TRPC5: variants seen among roughly 807,000 people sequenced by gnomAD.
The protein encoded by TRPC5 is short transient receptor potential channel 5.
TRPC5 carries 9 observed loss-of-function variants against 56.5 expected under a neutral mutation model. The observed-to-expected ratio is 0.16, with a 90% CI of 0.10 to 0.28. TRPC5 has a LOEUF of 0.28. TRPC5 is among the 10% of genes least tolerant of loss of function. The pLI is 1.00. For missense variants in TRPC5, 469 were observed against 748.9 expected (o/e 0.63, Z 4.36); for synonymous variants, 282 against 278.5 (o/e 1.01, Z -0.13).
chrX:111,967,224 T>A (rs1230428005), intron 1 of TRPC5, among the ~76,000 whole-genome samples: 2 of 111,630 alleles, frequency 1.8e-5, no homozygotes, highest in African/African-American at 3.3e-5. Context: ...GAACTCCCAT[T>A]CACAATTGCT....
intron 1 of TRPC5, among the ~76,000 whole-genome samples, chrX:111,979,553 A>T (rs781217936): frequency 2.3e-4 from 26 of 111,594 alleles, no homozygotes; most frequent in Non-Finnish European, 4.3e-4. Context: ...CAGACTGGGA[A>T]AATATATGCA....
intron 1 of TRPC5, among the ~76,000 whole-genome samples, chrX:112,072,670 G>GA (rs762183819): frequency 2.2e-4 from 25 of 112,028 alleles, no homozygotes; most frequent in Admixed American, 2.2e-3. Flanking sequence ...TTTTATGTCA[G>GA]AAAAAAATGA....
chrX:112,025,920 T>A (rs1929401129), intron 1 of TRPC5, among the ~76,000 whole-genome samples: 1 of 111,855 alleles, frequency 8.9e-6, no homozygotes, highest in African/African-American at 3.3e-5. Flanking sequence ...AACCTGTGAG[T>A]AATAAACTTC....
At position 111,776,415 on chromosome X, in the gene TRPC5, TA is replaced by T. The variant is rs769602317; in HGVS notation, c.2819del (p.Leu940Ter). On this transcript the variant is annotated frameshift_variant, in exon 11 of 11. Transcript: ENST00000262839. LOFTEE classifies it high-confidence loss of function. ...SSICSSNSKL[L>X]DSSEDVFETW... ...TTTCAAATACATCCTCTGAGGAGTCTAAAAGTTTAGAATTTGAGGAGCAGAT... is the reference window on the plus strand; with the variant it reads ...TTTCAAATACATCCTCTGAGGAGTCTAAAGTTTAGAATTTGAGGAGCAGAT... 1 of 1,211,363 alleles carries T rather than the reference TA, an allele frequency of 8.3e-7. No individual in the cohort carries two copies. The highest frequency in any genetic ancestry group is 1.7e-5 in the African/African-American group (1 of 57,799).
chrX:111,790,758 T>A (rs1946013255), intron 7 of TRPC5, among the ~76,000 whole-genome samples: 1 of 110,453 alleles, frequency 9.1e-6, no homozygotes, highest in South Asian at 3.9e-4. Context: ...TGGTGGCTCA[T>A]GCCTGGAATC....
At chrX:111,976,659 T>C (rs932456870) in intron 1 of TRPC5, among the ~76,000 whole-genome samples, 9 of 110,348 alleles carry the variant, frequency 8.2e-5, no homozygotes, top group Non-Finnish European at 1.3e-4. Context: ...GAAAAAGAAA[T>C]AAAAGGCATG....
At position 112,020,495 on chromosome X, in the gene TRPC5, T is replaced by A. The variant is rs746381299; in HGVS notation, c.-22+61384A>T. 6.3e-5 allele frequency among the ~76,000 whole-genome samples: 7 copies of A among 111,906 alleles called. No homozygotes were observed. The Admixed American group carries it at 6.7e-4, about 11-fold the overall frequency. On this transcript the variant is annotated intron_variant, in intron 1 of 10. Coordinates refer to ENST00000262839, the MANE Select transcript of TRPC5 (RefSeq NM_012471.3). The stretch of plus-strand genomic sequence containing the variant: ...GAGGAACACAGAAGGAAATGTAATA[T>A]CCTAGGGTCTTGAAGGAACCTTACC...
chrX:111,967,543 C>G (rs1927632483), intron 1 of TRPC5, among the ~76,000 whole-genome samples: 1 of 110,010 alleles, frequency 9.1e-6, no homozygotes, highest in Non-Finnish European at 1.9e-5. Flanking sequence ...GCCAAAAGAA[C>G]AAAGCATCAC....
At chrX:111,988,415 T>C (rs1928268298) in intron 1 of TRPC5, among the ~76,000 whole-genome samples, 1 of 110,973 alleles carries the variant, frequency 9.0e-6, no homozygotes, top group South Asian at 3.9e-4. Context: ...TGGTAGCTGA[T>C]ATTTAGTCAT....
At position 111,771,107 on chromosome X, in the gene TRPC5, C is replaced by A. The variant is rs3027759; in HGVS notation, c.*5206G>T. ...AGTCACTGGAGTTATAAAGAAAGTT[C>A]TTTGAGGGGGAGGAGGGTAGGACAG... On this transcript the variant is annotated 3_prime_UTR_variant, in exon 11 of 11. Coordinates refer to ENST00000262839, the MANE Select transcript of TRPC5 (RefSeq NM_012471.3). 0.012 allele frequency among the ~76,000 whole-genome samples: 1,355 copies of A among 111,297 alleles called. 11 individuals carry two copies. Among genetic ancestry groups the A allele is most frequent in the African/African-American group, 0.033 (1,022 of 30,653 alleles).
At chrX:112,028,401 T>A (rs1418900790) in intron 1 of TRPC5, among the ~76,000 whole-genome samples, 1 of 111,568 alleles carries the variant, frequency 9.0e-6, no homozygotes, top group Non-Finnish European at 1.9e-5. Flanking sequence ...CATTAGGTAT[T>A]TCTCCTAATG....
At chrX:111,991,175 T>C (rs1021137399) in intron 1 of TRPC5, among the ~76,000 whole-genome samples, 2 of 111,616 alleles carry the variant, frequency 1.8e-5, no homozygotes, top group African/African-American at 6.5e-5. Context: ...CTTTCCCCTC[T>C]ATACCAATTG....
chrX:111,956,564 C>G (rs1344207884), intron 1 of TRPC5, among the ~76,000 whole-genome samples: 1 of 111,145 alleles, frequency 9.0e-6, no homozygotes, highest in Non-Finnish European at 1.9e-5. Context: ...ATGAGCAGTC[C>G]AAAAAGTGCC....
At chrX:112,066,276 A>G (rs1602420782) in intron 1 of TRPC5, among the ~76,000 whole-genome samples, 1 of 110,540 alleles carries the variant, frequency 9.0e-6, no homozygotes, top group Admixed American at 9.7e-5. Flanking sequence ...CAATTATTTT[A>G]TTTGGCATTT....
At chrX:111,844,547 C>T (rs1306244640) in intron 6 of TRPC5, among the ~76,000 whole-genome samples, 7 of 104,715 alleles carry the variant, frequency 6.7e-5, no homozygotes, top group African/African-American at 2.5e-4. Context: ...CTCACTGCAA[C>T]CTCTGCCTCC....
At chrX:111,996,551 G>A (rs73548140) in intron 1 of TRPC5, among the ~76,000 whole-genome samples, 6,390 of 110,982 alleles carry the variant, frequency 0.058, 465 homozygotes, top group African/African-American at 0.19. Flanking sequence ...TTAACCTTCC[G>A]TCTCTTTGGT....
intron 1 of TRPC5, among the ~76,000 whole-genome samples, chrX:112,070,577 A>C (rs975867900): frequency 2.7e-5 from 3 of 111,128 alleles, no homozygotes; most frequent in Non-Finnish European, 5.7e-5. Context: ...ACTCGATTTT[A>C]TTTCTTGAGG....
intron 1 of TRPC5, among the ~76,000 whole-genome samples, chrX:112,051,396 C>T (rs767322699): frequency 1.8e-5 from 2 of 111,380 alleles, no homozygotes; most frequent in African/African-American, 6.5e-5. Context: ...CTGCTGAAAC[C>T]CTGCCTAATA....
chrX:112,070,221 C>T (rs1930683933), intron 1 of TRPC5, among the ~76,000 whole-genome samples: 1 of 111,774 alleles, frequency 8.9e-6, no homozygotes, highest in Non-Finnish European at 1.9e-5. Context: ...TTAACTTTTC[C>T]AAGTATTTCA....
Sources: allele counts gnomAD v4.1 joint callset (sites outside exome capture counted in the v4.1 genomes callset), GRCh38; gene constraint gnomAD v4.1.1; transcripts MANE v1.5; gene names NCBI Gene and HGNC (gene_info 2026-07-23, HGNC 2026-07-21).